SORCS1: variants seen among roughly 807,000 people sequenced by gnomAD.
SORCS1 encodes VPS10 domain-containing receptor SorCS1.
SORCS1 carries 60 observed loss-of-function variants against 146.1 expected under a neutral mutation model. That is an observed-to-expected ratio of 0.41 (90% CI 0.33 to 0.51). The LOEUF is 0.51. Ranked by LOEUF, SORCS1 falls within the 20% of genes least tolerant of loss-of-function variation. SORCS1 has a pLI of 0.21. For synonymous variants in SORCS1, 637 were observed against 584.0 expected, an observed-to-expected ratio of 1.09 and a Z score of -1.31; for missense variants, 1,352 against 1,487.6, an observed-to-expected ratio of 0.91 and a Z score of 1.50.
intron 1 of SORCS1, among the ~76,000 whole-genome samples, chr10:107,064,221 G>A (rs1198186648): frequency 1.3e-5 from 2 of 152,088 alleles, no homozygotes; most frequent in African/African-American, 2.4e-5. Flanking sequence ...ACCAGCAGCT[G>A]GGCCTTACCT....
intron 24 of SORCS1, among the ~76,000 whole-genome samples, chr10:106,588,643 C>G (rs1236819861): frequency 6.6e-6 from 1 of 151,782 alleles, no homozygotes; most frequent in African/African-American, 2.4e-5. Context: ...GGGCAGATCA[C>G]GAGGTCAGGA....
At chr10:107,150,481 C>A (rs977116716) in intron 1 of SORCS1, among the ~76,000 whole-genome samples, 4 of 152,232 alleles carry the variant, frequency 2.6e-5, no homozygotes, top group Non-Finnish European at 5.9e-5. Flanking sequence ...AACCATCTGA[C>A]ATGGTTGGGT....
chr10:106,717,843 G>A (rs9630099), intron 6 of SORCS1, among the ~76,000 whole-genome samples: 5,524 of 152,192 alleles, frequency 0.036, 299 homozygotes, highest in African/African-American at 0.12. Flanking sequence ...TGGGCTTGCC[G>A]GTGAAATATT....
At chr10:107,095,374 T>C (rs1410414) in intron 1 of SORCS1, among the ~76,000 whole-genome samples, 84,042 of 151,914 alleles carry the variant, frequency 0.55, 24,197 homozygotes, top group African/African-American at 0.67. Flanking sequence ...AGGGTACACA[T>C]TGACCTGACG....
At chr10:106,672,580 T>C (rs1360499226) in intron 15 of SORCS1, among the ~76,000 whole-genome samples, 1 of 152,192 alleles carries the variant, frequency 6.6e-6, no homozygotes, top group Admixed American at 6.5e-5. Flanking sequence ...AGATGAAATA[T>C]GTTTGGATCT....
chr10:107,120,869 G>C (rs752173101), intron 1 of SORCS1, among the ~76,000 whole-genome samples: 5 of 151,976 alleles, frequency 3.3e-5, no homozygotes, highest in Non-Finnish European at 7.4e-5. Context: ...AAATCCCTAG[G>C]TTCTATGTTT....
intron 9 of SORCS1, among the ~76,000 whole-genome samples, chr10:106,690,318 A>G (rs1853201217): frequency 6.6e-6 from 1 of 152,354 alleles, no homozygotes; most frequent in East Asian, 1.9e-4. Context: ...TCCTTCCTCT[A>G]TACCATTCCC....
intron 3 of SORCS1, among the ~76,000 whole-genome samples, chr10:106,804,792 G>T (rs1270715894): frequency 6.6e-6 from 1 of 152,106 alleles, no homozygotes; most frequent in Non-Finnish European, 1.5e-5. Flanking sequence ...CCCTGGTACA[G>T]AAGCGTACTC....
intron 1 of SORCS1, among the ~76,000 whole-genome samples, chr10:107,027,091 C>CATATATATATATGTATAT (rs148866843): frequency 1.4e-5 from 2 of 145,302 alleles, no homozygotes; most frequent in African/African-American, 5.1e-5. Flanking sequence ...CATATATATA[C>CATATATATATATGTATAT]ATATATATAT....
At chr10:106,879,327 A>G (rs1950726646) in intron 2 of SORCS1, among the ~76,000 whole-genome samples, 3 of 152,122 alleles carry the variant, frequency 2.0e-5, no homozygotes, top group African/African-American at 7.2e-5. Flanking sequence ...TAATGTCTAA[A>G]CACTCACATA....
At chr10:107,175,226 G>A in the SORCS1 span, among the ~76,000 whole-genome samples, 2 of 152,126 alleles carry the variant, frequency 1.3e-5, no homozygotes, top group African/African-American at 4.8e-5. Flanking sequence ...TTTGTATAAT[G>A]TCCTTAATGG....
intron 2 of SORCS1, among the ~76,000 whole-genome samples, chr10:106,924,637 A>G (rs1036380321): frequency 2.6e-5 from 4 of 152,058 alleles, no homozygotes; most frequent in Non-Finnish European, 5.9e-5. Flanking sequence ...GTCAAAAATA[A>G]TTGTCCACCA....
At chr10:106,581,097 T>C (rs1355773874) in intron 24 of SORCS1, among the ~76,000 whole-genome samples, 1 of 152,122 alleles carries the variant, frequency 6.6e-6, no homozygotes. Flanking sequence ...GGTTCAGAAA[T>C]TCTTCAGAAC....
At chr10:106,989,705 G>C (rs1397008392) in intron 1 of SORCS1, among the ~76,000 whole-genome samples, 97 of 87,774 alleles carry the variant, frequency 1.1e-3, no homozygotes, top group Non-Finnish European at 1.6e-3. Context: ...TTTTTTTTCT[G>C]AGATGGAGTC....
intron 1 of SORCS1, among the ~76,000 whole-genome samples, chr10:106,985,030 T>C (rs1388679549): frequency 2.0e-5 from 3 of 151,584 alleles, no homozygotes; most frequent in African/African-American, 7.3e-5. Context: ...TCTACTGAAA[T>C]TACAAAATCA....
intron 2 of SORCS1, among the ~76,000 whole-genome samples, chr10:106,880,144 A>G (rs1181260640): frequency 1.3e-5 from 2 of 152,194 alleles, no homozygotes; most frequent in Non-Finnish European, 2.9e-5. Context: ...GGAACCTGGG[A>G]CAGGTATTGA....
At chr10:107,049,394 A>G (rs983337554) in intron 1 of SORCS1, among the ~76,000 whole-genome samples, 1 of 151,898 alleles carries the variant, frequency 6.6e-6, no homozygotes, top group African/African-American at 2.4e-5. Flanking sequence ...CATCGTGCAC[A>G]TGTACCCTAA....
intron 13 of SORCS1, among the ~76,000 whole-genome samples, 190 bp from the exon 14 acceptor site, chr10:106,675,346 G>A (rs577759928): frequency 3.0e-4 from 46 of 151,986 alleles, no homozygotes; most frequent in African/African-American, 1.0e-3. Context: ...CCAAGCCACC[G>A]GGACACAGAT....
chr10:106,719,825 A>C lies in SORCS1; in HGVS notation c.1024+10225T>G, dbSNP rs17121298. Among the ~76,000 whole-genome samples the C allele has an allele frequency of 1.2e-3, 186 of 152,330 alleles. 6 individuals carry two copies. In the East Asian group the frequency reaches 0.026, roughly 21 times the overall value. ...GCACAGTCCTTGTCTCAGATAATGGAATAAAGACAGATGACACGTTTGCCC... is the reference window on the plus strand; with the variant it reads ...GCACAGTCCTTGTCTCAGATAATGGCATAAAGACAGATGACACGTTTGCCC... On this transcript the variant is annotated intron_variant, in intron 6 of 25. Coordinates refer to ENST00000263054, the MANE Select transcript of SORCS1 (RefSeq NM_052918.5).
Sources: allele counts gnomAD v4.1 joint callset (sites outside exome capture counted in the v4.1 genomes callset), GRCh38; gene constraint gnomAD v4.1.1; transcripts MANE v1.5; gene names NCBI Gene and HGNC (gene_info 2026-07-23, HGNC 2026-07-21).